MAST4: variants seen among roughly 807,000 people sequenced by gnomAD.
The protein encoded by MAST4 is microtubule-associated serine/threonine-protein kinase 4.
A neutral mutation model predicts 162.7 loss-of-function variants in MAST4; 89 were observed. The observed-to-expected ratio is 0.55, with a 90% CI of 0.46 to 0.65. The LOEUF is 0.65. Ranked by LOEUF, MAST4 falls within the 30% of genes least tolerant of loss-of-function variation. The pLI is 0.00. For synonymous variants in MAST4, 1,479 were observed against 1,361.1 expected (o/e 1.09, Z -1.91); for missense variants, 3,153 against 3,374.0 (o/e 0.93, Z 1.62).
intron 3 of MAST4, among the ~76,000 whole-genome samples, chr5:66,867,007 A>T (rs1356085228): frequency 6.6e-6 from 1 of 152,146 alleles, no homozygotes; most frequent in African/African-American, 2.4e-5. Context: ...GGGATCCCCC[A>T]ACTTCAGCCT....
At chr5:67,025,342 G>A (rs113055649) in intron 4 of MAST4, among the ~76,000 whole-genome samples, 263 of 152,234 alleles carry the variant, frequency 1.7e-3, no homozygotes, top group African/African-American at 6.1e-3. Flanking sequence ...TAATATATCT[G>A]CAACAACTGT....
At chr5:66,983,562 A>G (rs1207209419) in intron 4 of MAST4, among the ~76,000 whole-genome samples, 1 of 152,042 alleles carries the variant, frequency 6.6e-6, no homozygotes, top group African/African-American at 2.4e-5. Flanking sequence ...TCATCTGTAT[A>G]TTGGGGAAGT....
intron 4 of MAST4, among the ~76,000 whole-genome samples, chr5:66,947,075 A>G (rs1490417619): frequency 2.0e-5 from 3 of 152,170 alleles, no homozygotes; most frequent in Non-Finnish European, 4.4e-5. Flanking sequence ...CTTGCTGCAT[A>G]AATTTAAGTA....
At chr5:66,680,783 G>T (rs1483544024) in intron 1 of MAST4, among the ~76,000 whole-genome samples, 1 of 152,218 alleles carries the variant, frequency 6.6e-6, no homozygotes, top group East Asian at 1.9e-4. Flanking sequence ...AAAGAGTGCA[G>T]CAGTGTCCTG....
chr5:66,929,484 C>A (rs1741941863), intron 4 of MAST4, among the ~76,000 whole-genome samples: 1 of 152,176 alleles, frequency 6.6e-6, no homozygotes, highest in South Asian at 2.1e-4. Flanking sequence ...AATGCTTTAC[C>A]AGTTCTCCAG....
chr5:67,145,421 C>CT (rs775663711), intron 23 of MAST4, 42 bp downstream of exon 23: 1 of 1,553,514 alleles, frequency 6.4e-7, no homozygotes, highest in Non-Finnish European at 8.8e-7. Context: ...CCTCACCACA[C>CT]TAAGTGTCTC....
chr5:66,614,447 G>A (rs1743508741), intron 1 of MAST4, among the ~76,000 whole-genome samples: 1 of 152,190 alleles, frequency 6.6e-6, no homozygotes, highest in South Asian at 2.1e-4. Flanking sequence ...AGCTATTCCT[G>A]AAGACTTTAG....
At chr5:67,078,864 ATATATATTTATATAAATATATT>A (rs1485484289) in intron 5 of MAST4, among the ~76,000 whole-genome samples, 1 of 112,350 alleles carries the variant, frequency 8.9e-6, no homozygotes, top group Non-Finnish European at 1.7e-5. Flanking sequence ...ATTTATATAA[ATATATATTTATATAAATATATT>A]TATATATTTA....
At chr5:66,970,620 C>T (rs1581057652) in intron 4 of MAST4, among the ~76,000 whole-genome samples, 1 of 152,300 alleles carries the variant, frequency 6.6e-6, no homozygotes, top group East Asian at 1.9e-4. Flanking sequence ...TCTATGCACT[C>T]ACCTTTTCAC....
At chr5:67,111,108 T>G (rs921859873) in intron 11 of MAST4, among the ~76,000 whole-genome samples, 5 of 152,212 alleles carry the variant, frequency 3.3e-5, no homozygotes, top group African/African-American at 1.2e-4. Flanking sequence ...TTTATGAAAT[T>G]TTGATTTGAG....
chr5:66,944,379 A>G (rs772910826), intron 4 of MAST4, among the ~76,000 whole-genome samples: 1 of 152,128 alleles, frequency 6.6e-6, no homozygotes, highest in African/African-American at 2.4e-5. Flanking sequence ...CCTTGCTTTC[A>G]ATCATGATAA....
intron 4 of MAST4, among the ~76,000 whole-genome samples, chr5:66,915,201 G>A (rs1764029406): frequency 6.6e-6 from 1 of 150,810 alleles, no homozygotes; most frequent in Admixed American, 6.6e-5. Context: ...AGGAGGCGGA[G>A]GTAGCAGTGA....
intron 3 of MAST4, among the ~76,000 whole-genome samples, chr5:66,845,978 T>G (rs1314345179): frequency 6.6e-6 from 1 of 152,172 alleles, no homozygotes; most frequent in Non-Finnish European, 1.5e-5. Flanking sequence ...CAGGTGCCAT[T>G]CTGAGTGCTT....
chr5:66,958,959 A>T, intron 4 of MAST4: 8 of 219,628 alleles, frequency 3.6e-5, no homozygotes, highest in East Asian at 7.7e-5. Flanking sequence ...ACTTTCTTTA[A>T]AAAAAAAAAA....
intron 3 of MAST4, among the ~76,000 whole-genome samples, chr5:66,843,314 A>G (rs1758556232): frequency 6.6e-6 from 1 of 152,146 alleles, no homozygotes; most frequent in African/African-American, 2.4e-5. Flanking sequence ...GTCATCCACC[A>G]CTTTTCATTT....
chr5:66,907,390 ATCAGCAGTTCGGTATT>A (rs781435417), intron 4 of MAST4, among the ~76,000 whole-genome samples: 3 of 152,180 alleles, frequency 2.0e-5, no homozygotes, highest in South Asian at 4.1e-4. Context: ...TTCATCCAGG[ATCAGCAGTTCGGTATT>A]TCAGCCTCCA....
At chr5:66,718,286 C>G (rs1750980132) in intron 1 of MAST4, among the ~76,000 whole-genome samples, 1 of 149,980 alleles carries the variant, frequency 6.7e-6, no homozygotes, top group Non-Finnish European at 1.5e-5. Flanking sequence ...TTCAAAGCAC[C>G]TTTTACAGCT....
chr5:66,668,457 T>C (rs16895442), intron 1 of MAST4, among the ~76,000 whole-genome samples: 2,448 of 152,302 alleles, frequency 0.016, 60 homozygotes, highest in African/African-American at 0.055. Context: ...GTTGGTAATT[T>C]GTATCCATTT....
At chr5:66,852,729 G>GT (rs1350302823) in intron 3 of MAST4, among the ~76,000 whole-genome samples, 1 of 152,190 alleles carries the variant, frequency 6.6e-6, no homozygotes, top group Non-Finnish European at 1.5e-5. Context: ...TGCAATGCAA[G>GT]TTCTCGGAGC....
Sources: allele counts gnomAD v4.1 joint callset (sites outside exome capture counted in the v4.1 genomes callset), GRCh38; gene constraint gnomAD v4.1.1; transcripts MANE v1.5; gene names NCBI Gene and HGNC (gene_info 2026-07-23, HGNC 2026-07-21).